The following SCHIP1 variants were observed in gnomAD, a reference collection of about 807,000 sequenced individuals.
The protein encoded by SCHIP1 is schwannomin-interacting protein 1.
A neutral mutation model predicts 29.7 loss-of-function variants in SCHIP1; 8 were observed. The observed-to-expected ratio is 0.27, with a 90% CI of 0.16 to 0.49. The LOEUF is 0.49. Among genes scored for constraint, SCHIP1 ranks in the 20% least tolerant of loss-of-function variants. SCHIP1 has a pLI of 0.99. For missense variants in SCHIP1, 193 were observed against 294.6 expected (o/e 0.66, Z 2.52); for synonymous variants, 76 against 94.9 (o/e 0.80, Z 1.16).
At chr3:159,461,683 C>T in the SCHIP1 span, among the ~76,000 whole-genome samples, 1 of 151,348 alleles carries the variant, frequency 6.6e-6, no homozygotes, top group South Asian at 2.1e-4. Context: ...TCAAGCAGTT[C>T]TCGGTATACC....
intron 3 of SCHIP1, chr3:159,887,116 T>G (rs1717042462): frequency 6.5e-6 from 1 of 152,804 alleles, no homozygotes; most frequent in Admixed American, 6.5e-5. Flanking sequence ...AAATTAGATA[T>G]GCTCTAAAAA....
At chr3:159,895,174 G>A (rs569257736) in intron 6 of SCHIP1, among the ~76,000 whole-genome samples, 48 of 152,234 alleles carry the variant, frequency 3.2e-4, no homozygotes, top group Non-Finnish European at 6.0e-4. Context: ...CTGCTAAAGG[G>A]GACAGATTTT....
At chr3:159,752,208 C>T in the SCHIP1 span, among the ~76,000 whole-genome samples, 2 of 152,092 alleles carry the variant, frequency 1.3e-5, no homozygotes, top group Non-Finnish European at 2.9e-5. Flanking sequence ...TATAGCGGTG[C>T]AAGAACGGAC....
At chr3:159,796,320 G>A in the SCHIP1 span, among the ~76,000 whole-genome samples, 25 of 152,020 alleles carry the variant, frequency 1.6e-4, no homozygotes, top group Non-Finnish European at 3.2e-4. Flanking sequence ...TATAAAGCAC[G>A]TTGAATCATC....
chr3:159,528,951 G>A, the SCHIP1 span, among the ~76,000 whole-genome samples: 1 of 152,050 alleles, frequency 6.6e-6, no homozygotes. Context: ...TATACATTTG[G>A]GGTAGATCAC....
At chr3:159,315,544 A>T in the SCHIP1 span, among the ~76,000 whole-genome samples, 1 of 151,726 alleles carries the variant, frequency 6.6e-6, no homozygotes, top group African/African-American at 2.4e-5. Flanking sequence ...ATTGTGACTA[A>T]TGATTTTTAT....
At chr3:159,674,824 A>G in the SCHIP1 span, among the ~76,000 whole-genome samples, 1 of 152,186 alleles carries the variant, frequency 6.6e-6, no homozygotes, top group South Asian at 2.1e-4. Context: ...ATATATGGGC[A>G]CATGTCTCCT....
the SCHIP1 span, chr3:159,764,421 A>T: frequency 2.6e-6 from 4 of 1,556,914 alleles, no homozygotes; most frequent in South Asian, 3.7e-5. The surrounding 1 kb of genome is among the most constrained non-coding windows in gnomAD (Gnocchi z 6.1). Flanking sequence ...CCAGCAGCTC[A>T]CTCTCTACCT....
chr3:159,510,125 C>T, the SCHIP1 span, among the ~76,000 whole-genome samples: 1 of 152,196 alleles, frequency 6.6e-6, no homozygotes, highest in African/African-American at 2.4e-5. Flanking sequence ...TAGATTTGGT[C>T]TTTTCACATA....
At chr3:159,681,956 T>G in the SCHIP1 span, among the ~76,000 whole-genome samples, 62 of 152,206 alleles carry the variant, frequency 4.1e-4, no homozygotes, top group African/African-American at 1.5e-3. Context: ...CAATGTTAAC[T>G]TAGGTTAGCT....
chr3:159,638,700 A>T, the SCHIP1 span, among the ~76,000 whole-genome samples: 5 of 151,756 alleles, frequency 3.3e-5, no homozygotes, highest in African/African-American at 4.8e-5. Flanking sequence ...TGTCCCACTT[A>T]GTCTCTCCTG....
the SCHIP1 span, among the ~76,000 whole-genome samples, chr3:159,777,832 G>A: frequency 1.7e-4 from 26 of 152,224 alleles, no homozygotes; most frequent in African/African-American, 5.5e-4. Flanking sequence ...TTTAGCTGTC[G>A]TACATAATAC....
the SCHIP1 span, among the ~76,000 whole-genome samples, chr3:159,291,870 G>C: frequency 6.6e-6 from 1 of 151,648 alleles, no homozygotes; most frequent in Admixed American, 6.6e-5. Flanking sequence ...ATAAATCAAT[G>C]GGATGAAAAA....
the SCHIP1 span, among the ~76,000 whole-genome samples, chr3:159,445,190 A>G: frequency 2.6e-5 from 4 of 152,188 alleles, no homozygotes; most frequent in Non-Finnish European, 2.9e-5. Context: ...GAAAAAAACA[A>G]ACAACCCCAA....
the SCHIP1 span, among the ~76,000 whole-genome samples, chr3:159,469,563 G>C: frequency 6.6e-6 from 1 of 152,114 alleles, no homozygotes; most frequent in Non-Finnish European, 1.5e-5. Context: ...CTTTCTTGGG[G>C]ACAGAAATGT....
At chr3:159,313,402 C>T in the SCHIP1 span, among the ~76,000 whole-genome samples, 2 of 152,196 alleles carry the variant, frequency 1.3e-5, no homozygotes, top group Non-Finnish European at 2.9e-5. Context: ...ACAGCCACTA[C>T]ATTTTGTTGG....
chr3:159,583,912 G>T, the SCHIP1 span, among the ~76,000 whole-genome samples: 1 of 152,084 alleles, frequency 6.6e-6, no homozygotes, highest in African/African-American at 2.4e-5. Context: ...CTCTCGCTGA[G>T]TACTTATTCT....
the SCHIP1 span, among the ~76,000 whole-genome samples, chr3:159,649,213 T>C: frequency 6.6e-6 from 1 of 152,154 alleles, no homozygotes; most frequent in Admixed American, 6.6e-5. Context: ...CCTGTGTGCG[T>C]TCACTCAGCA....
chr3:159,579,552 A>G, the SCHIP1 span, among the ~76,000 whole-genome samples: 1 of 152,210 alleles, frequency 6.6e-6, no homozygotes, highest in Non-Finnish European at 1.5e-5. Flanking sequence ...ATGAACACCA[A>G]TGGCAGATGG....
Sources: allele counts gnomAD v4.1 joint callset (sites outside exome capture counted in the v4.1 genomes callset), GRCh38; gene constraint gnomAD v4.1.1; non-coding constraint Gnocchi (gnomAD v3.1); transcripts MANE v1.5; gene names NCBI Gene and HGNC (gene_info 2026-07-23, HGNC 2026-07-21).